Variants in CEP162 observed in about 807,000 individuals in gnomAD.
CEP162 encodes the protein centrosomal protein of 162 kDa.
Under a neutral mutation model 169.2 loss-of-function variants are expected in CEP162, and 141 were observed. The observed-to-expected ratio is 0.83, with a 90% CI of 0.73 to 0.96. The LOEUF (loss-of-function observed/expected upper bound fraction) is 0.96, where lower values mean the gene tolerates loss of function less well. Among genes scored for constraint, CEP162 ranks in the 40% least tolerant of loss-of-function variants. CEP162 has a pLI of 0.00. For missense variants in CEP162, 1,600 were observed against 1,587.2 expected, an observed-to-expected ratio of 1.01 and a Z score of -0.14; for synonymous variants, 540 against 526.4, an observed-to-expected ratio of 1.03 and a Z score of -0.35.
At chr6:84,163,324 T>G (rs2099526495) in intron 18 of CEP162, 54 bp from the exon 19 acceptor site, 1 of 1,317,098 alleles carries the variant, frequency 7.6e-7, no homozygotes, top group African/African-American at 1.5e-5. Flanking sequence ...CAATAAATTG[T>G]GGTATAGTCT....
chr6:84,125,530 G>A (rs1470350038), intron 26 of CEP162, among the ~76,000 whole-genome samples: 2 of 152,064 alleles, frequency 1.3e-5, no homozygotes, highest in African/African-American at 4.8e-5. Flanking sequence ...TGTGGAGTAA[G>A]GAAATAATGA....
chr6:84,183,910 TC>T (rs1372286875), intron 13 of CEP162, among the ~76,000 whole-genome samples: 1 of 152,126 alleles, frequency 6.6e-6, no homozygotes, highest in Non-Finnish European at 1.5e-5. Context: ...TTCTCTTTTC[TC>T]TTGTAACCTC....
chr6:84,170,507 C>T (rs1275120292), intron 17 of CEP162, among the ~76,000 whole-genome samples: 1 of 150,100 alleles, frequency 6.7e-6, no homozygotes, highest in African/African-American at 2.5e-5. Flanking sequence ...TATATATAGT[C>T]TGCTACCAAG....
intron 9 of CEP162, among the ~76,000 whole-genome samples, chr6:84,197,839 A>G (rs1404636987): frequency 1.3e-5 from 2 of 151,396 alleles, no homozygotes; most frequent in Non-Finnish European, 2.9e-5. Flanking sequence ...AAAAAAAAAA[A>G]AAAAGAGAGA....
intron 18 of CEP162, among the ~76,000 whole-genome samples, chr6:84,168,576 C>T (rs2099528754): frequency 6.6e-6 from 1 of 152,074 alleles, no homozygotes. Context: ...CTCCACAGGC[C>T]GTGTTTGGAA....
In CEP162 at chr6:84,125,283, A is replaced by T; in HGVS notation, c.4006-7T>A. The T allele has an allele frequency of 6.2e-7, 1 of 1,611,906 alleles. No homozygotes were observed. On this transcript the variant is annotated splice_region_variant and splice_polypyrimidine_tract_variant and intron_variant, in intron 26 of 26. Transcript: ENST00000403245. Reference sequence around the variant, plus strand: ...GGTGTGTTTGCTGTATTATCTGCAAATACAAAAATTCCACATTGCTGTTAT... The same window carrying T: ...GGTGTGTTTGCTGTATTATCTGCAATTACAAAAATTCCACATTGCTGTTAT...
At chr6:84,191,591 C>G (rs562952145) in intron 11 of CEP162, among the ~76,000 whole-genome samples, 1 of 151,948 alleles carries the variant, frequency 6.6e-6, no homozygotes. Context: ...TAATTATAAC[C>G]CTGTCTTTTT....
At chr6:84,186,102 G>T (rs1274637418) in intron 12 of CEP162, among the ~76,000 whole-genome samples, 1 of 152,090 alleles carries the variant, frequency 6.6e-6, no homozygotes, top group East Asian at 1.9e-4. Flanking sequence ...AGGAAAAAAT[G>T]TATAAAGAAT....
At chr6:84,144,464 A>C (rs2099517990) in intron 25 of CEP162, among the ~76,000 whole-genome samples, 1 of 152,122 alleles carries the variant, frequency 6.6e-6, no homozygotes, top group Non-Finnish European at 1.5e-5. Context: ...AACTATGGCT[A>C]GTTTAAAGTC....
intron 9 of CEP162, among the ~76,000 whole-genome samples, chr6:84,198,074 T>G (rs990260954): frequency 6.6e-6 from 1 of 152,124 alleles, no homozygotes; most frequent in South Asian, 2.1e-4. Context: ...AATAATTTCA[T>G]AAATAATATT....
chr6:84,176,673 C>G (rs1473035742), intron 13 of CEP162, among the ~76,000 whole-genome samples: 1 of 152,094 alleles, frequency 6.6e-6, no homozygotes, highest in African/African-American at 2.4e-5. Flanking sequence ...ATTGGAGATG[C>G]TAAACTGGTA....
intron 25 of CEP162, among the ~76,000 whole-genome samples, chr6:84,129,654 G>A (rs567428990): frequency 2.0e-5 from 3 of 152,070 alleles, no homozygotes; most frequent in Non-Finnish European, 4.4e-5. Context: ...TCCGGTTTTT[G>A]CTGTGCAGAA....
rs2099521710 is a variant in CEP162 at position 84,152,960 on chromosome 6, G to GA, written c.3213dup (p.Gln1072SerfsTer13). ...TGTTCCACCTGGAATTCTATAGACT[G>GA]AAAATCTTCATCATCTTTATCATTT... On this transcript the variant is annotated frameshift_variant, in exon 23 of 27. Transcript: ENST00000403245. LOFTEE classifies it high-confidence loss of function. 1 of 1,613,508 alleles carries GA rather than the reference G, an allele frequency of 6.2e-7. No homozygotes were observed. The highest frequency in any genetic ancestry group is 8.5e-7 in the Non-Finnish European group (1 of 1,179,768).
At chr6:84,159,547 A>ATATTTTTT (rs2099524779) in intron 21 of CEP162, among the ~76,000 whole-genome samples, 3 of 31,954 alleles carry the variant, frequency 9.4e-5, no homozygotes, top group Non-Finnish European at 1.0e-4. Flanking sequence ...ATATATATAT[A>ATATTTTTT]TTTTTTTTTT....
intron 2 of CEP162, among the ~76,000 whole-genome samples, chr6:84,226,056 T>C (rs1053284685): frequency 1.3e-5 from 2 of 151,902 alleles, no homozygotes; most frequent in African/African-American, 2.4e-5. Flanking sequence ...TTTTTTTTTT[T>C]CTACATGTGA....
intron 13 of CEP162, among the ~76,000 whole-genome samples, chr6:84,182,676 C>T (rs1034265914): frequency 2.0e-5 from 3 of 152,046 alleles, no homozygotes; most frequent in Non-Finnish European, 4.4e-5. Context: ...GGACAGGGTC[C>T]GGAGGCAGAG....
intron 25 of CEP162, among the ~76,000 whole-genome samples, chr6:84,131,978 A>G (rs1218269565): frequency 2.0e-5 from 3 of 152,168 alleles, no homozygotes; most frequent in African/African-American, 7.2e-5. Flanking sequence ...AGTGGCTGGT[A>G]CCAGTCGTTC....
intron 14 of CEP162, 96 bp downstream of exon 14, chr6:84,175,118 G>T: frequency 2.1e-6 from 2 of 940,538 alleles, no homozygotes; most frequent in Non-Finnish European, 3.1e-6. Context: ...CAAAGGAAAA[G>T]ACATTTCAGT....
intron 21 of CEP162, among the ~76,000 whole-genome samples, chr6:84,158,353 A>AT (rs2099524067): frequency 6.6e-6 from 1 of 152,192 alleles, no homozygotes; most frequent in African/African-American, 2.4e-5. Context: ...GGTTGATATA[A>AT]TTGAGGATCA....
Sources: gnomAD v4.1 joint callset for allele counts (sites outside exome capture counted in the v4.1 genomes callset) on GRCh38, gnomAD v4.1.1 for gene constraint, MANE v1.5 for transcripts, NCBI Gene and HGNC (gene_info 2026-07-23, HGNC 2026-07-21) for gene names.